The following CNKSR2 variants were observed in gnomAD, a reference collection of about 807,000 sequenced individuals.
The protein encoded by CNKSR2 is connector enhancer of kinase suppressor of Ras 2, also known as CNK homolog protein 2.
A neutral mutation model predicts 84.4 loss-of-function variants in CNKSR2; 14 were observed. That is an observed-to-expected ratio of 0.17 (90% confidence interval 0.11 to 0.26). The LOEUF is 0.26. Ranked by LOEUF, CNKSR2 falls within the 10% of genes least tolerant of loss-of-function variation. The pLI, the probability that CNKSR2 is intolerant of heterozygous loss-of-function variation, is 1.00. For missense variants in CNKSR2, 485 were observed against 771.2 expected (o/e 0.63, Z 4.40); for synonymous variants, 275 against 277.9 (o/e 0.99, Z 0.10).
At chrX:21,584,978 A>C (rs1247913343) in intron 13 of CNKSR2, among the ~76,000 whole-genome samples, 1 of 110,466 alleles carries the variant, frequency 9.1e-6, no homozygotes, top group Non-Finnish European at 1.9e-5. Context: ...TTAGTGGCTC[A>C]CACCTGTAAT....
chrX:21,400,722 G>C (rs1406508131), intron 1 of CNKSR2, among the ~76,000 whole-genome samples: 1 of 110,948 alleles, frequency 9.0e-6, no homozygotes, highest in Non-Finnish European at 1.9e-5. Flanking sequence ...TGTTTGTATA[G>C]ATTAAACATT....
At chrX:21,386,667 TAGAA>T (rs1001727634) in intron 1 of CNKSR2, among the ~76,000 whole-genome samples, 32 of 112,545 alleles carry the variant, frequency 2.8e-4, no homozygotes, top group African/African-American at 8.7e-4. Flanking sequence ...TTTCTTTTAA[TAGAA>T]AGAGTTAAGG....
At chrX:21,598,169 C>T (rs2092460819) in intron 17 of CNKSR2, among the ~76,000 whole-genome samples, 1 of 111,144 alleles carries the variant, frequency 9.0e-6, no homozygotes, top group Non-Finnish European at 1.9e-5. Flanking sequence ...CACCCCACTA[C>T]TGTTCATCTG....
chrX:21,494,241 GCTTT>G (rs1186962515), intron 6 of CNKSR2: 2 of 111,198 alleles, frequency 1.8e-5, no homozygotes, highest in East Asian at 2.8e-4. Flanking sequence ...TAAATATTAG[GCTTT>G]CTTTATGACC....
intron 13 of CNKSR2, among the ~76,000 whole-genome samples, chrX:21,577,910 T>C (rs2092329271): frequency 9.0e-6 from 1 of 111,544 alleles, no homozygotes; most frequent in Admixed American, 9.6e-5. Flanking sequence ...AGTTTCCTCT[T>C]AATAAATGAT....
intron 5 of CNKSR2, among the ~76,000 whole-genome samples, chrX:21,490,158 TAA>T (rs960916737): frequency 1.8e-5 from 2 of 111,687 alleles, no homozygotes; most frequent in African/African-American, 6.5e-5. Context: ...GTTCTCAGAT[TAA>T]GTTTGTTTAA....
chrX:21,410,830 A>G (rs181783533), intron 1 of CNKSR2, among the ~76,000 whole-genome samples: 16 of 108,126 alleles, frequency 1.5e-4, no homozygotes, highest in African/African-American at 5.0e-4. Flanking sequence ...GACTCTGTAA[A>G]CTTATTGAGT....
chrX:21,406,357 G>A (rs2090263540), intron 1 of CNKSR2, among the ~76,000 whole-genome samples: 1 of 111,300 alleles, frequency 9.0e-6, no homozygotes, highest in South Asian at 3.8e-4. Context: ...CTGATGTAGA[G>A]GATGAGTTTT....
intron 20 of CNKSR2, among the ~76,000 whole-genome samples, chrX:21,618,650 A>G (rs2092588753): frequency 1.8e-5 from 2 of 111,764 alleles, no homozygotes; most frequent in Non-Finnish European, 3.8e-5. Context: ...AGAGCCACAA[A>G]CTCTTTAACA....
intron 13 of CNKSR2, among the ~76,000 whole-genome samples, chrX:21,564,754 GT>G (rs35439020): frequency 0.11 from 11,492 of 101,071 alleles, 1,524 homozygotes; most frequent in African/African-American, 0.38. Flanking sequence ...GTAGAAAAAT[GT>G]TTTTTTTTTT....
intron 1 of CNKSR2, among the ~76,000 whole-genome samples, chrX:21,397,324 C>A (rs775634812): frequency 1.8e-5 from 2 of 111,686 alleles, no homozygotes; most frequent in Non-Finnish European, 3.8e-5. Flanking sequence ...GAGCAATATA[C>A]ATGCACCTAA....
chrX:21,529,061 T>C (rs1224697077), intron 10 of CNKSR2, among the ~76,000 whole-genome samples: 1 of 111,193 alleles, frequency 9.0e-6, no homozygotes, highest in Non-Finnish European at 1.9e-5. Flanking sequence ...TAAAAAACTT[T>C]GTTTATACAG....
intron 5 of CNKSR2, among the ~76,000 whole-genome samples, chrX:21,483,935 T>C (rs1039606127): frequency 8.9e-6 from 1 of 111,888 alleles, no homozygotes; most frequent in Non-Finnish European, 1.9e-5. Flanking sequence ...TCATCCTACA[T>C]TGGCACAGAG....
chrX:21,552,668 G>A (rs1298915146), intron 11 of CNKSR2, among the ~76,000 whole-genome samples: 1 of 111,756 alleles, frequency 8.9e-6, no homozygotes, highest in Non-Finnish European at 1.9e-5. Flanking sequence ...TTGTAGAAAA[G>A]CCATATGTAA....
intron 20 of CNKSR2, among the ~76,000 whole-genome samples, chrX:21,635,877 C>T (rs780029986): frequency 9.0e-6 from 1 of 110,640 alleles, no homozygotes; most frequent in South Asian, 3.8e-4. Flanking sequence ...AAATTCAAGT[C>T]GAGTGTGATG....
chrX:21,589,271 C>T (rs1361176392), intron 13 of CNKSR2, among the ~76,000 whole-genome samples: 1 of 111,994 alleles, frequency 8.9e-6, no homozygotes. Context: ...GTACTATGTT[C>T]ATTAGACTTA....
At chrX:21,571,519 G>T (rs1226802008) in intron 13 of CNKSR2, among the ~76,000 whole-genome samples, 1 of 111,862 alleles carries the variant, frequency 8.9e-6, no homozygotes, top group African/African-American at 3.3e-5. Flanking sequence ...GTATCTCTTG[G>T]AATCTTCAAA....
At chrX:21,503,377 A>G (rs1338101885) in intron 8 of CNKSR2, 3 of 291,665 alleles carry the variant, frequency 1.0e-5, no homozygotes, top group Non-Finnish European at 1.8e-5. Context: ...TTCTAATGAT[A>G]ATAACCATAG....
At chrX:21,531,750 C>A in intron 10 of CNKSR2, 106 bp from the exon 11 acceptor site, 1 of 472,700 alleles carries the variant, frequency 2.1e-6, no homozygotes, top group Non-Finnish European at 3.6e-6. Flanking sequence ...TTGAAAAGGT[C>A]AGGAGATATA....
Sources: allele counts gnomAD v4.1 joint callset (sites outside exome capture counted in the v4.1 genomes callset), GRCh38; gene constraint gnomAD v4.1.1; transcripts MANE v1.5; gene names NCBI Gene and HGNC (gene_info 2026-07-23, HGNC 2026-07-21).